Variants in INPP4A observed in about 807,000 individuals in gnomAD.
INPP4A encodes the protein inositol polyphosphate-4-phosphatase type I A.
Under a neutral mutation model 119.8 loss-of-function variants are expected in INPP4A, and 33 were observed. The ratio of observed to expected loss-of-function variants is 0.28; its 90% confidence interval spans 0.21 to 0.37. The LOEUF is 0.37. Among genes scored for constraint, INPP4A ranks in the 10% least tolerant of loss-of-function variants. The pLI is 1.00. For missense variants in INPP4A, 956 were observed against 1,289.9 expected, an observed-to-expected ratio of 0.74 and a Z score of 3.97; for synonymous variants, 496 against 500.7, an observed-to-expected ratio of 0.99 and a Z score of 0.12.
rs924138297 is a variant in INPP4A, at chr2:98,593,884, A to C, written c.*6276A>C. ...GCTAGTCTCAGGTCTGCCTTCCTCT[A>C]TGGTGATTTCTCCCCACAAATGAAG... On this transcript the variant is annotated 3_prime_UTR_variant, in exon 25 of 25. Coordinates refer to ENST00000409851, the MANE Select transcript of INPP4A (RefSeq NM_001134225.2). 1 of 152,176 alleles carries C rather than the reference A, an allele frequency of 6.6e-6. No homozygotes were observed. Among genetic ancestry groups the C allele is most frequent in the Non-Finnish European group, 1.5e-5 (1 of 68,072 alleles). The allele number at this position is 152,176 out of a possible 1,614,324, so 9.4% of individuals were successfully genotyped here.
chr2:98,447,547 A>AT (rs138850052), intron 1 of INPP4A, among the ~76,000 whole-genome samples: 2,668 of 147,884 alleles, frequency 0.018, 75 homozygotes, highest in Admixed American at 0.08. Flanking sequence ...TTATTCTCTA[A>AT]TTTTTTTTTT....
chr2:98,537,901 TTGGC>T lies in INPP4A; in HGVS notation c.511_514del (p.Trp171ArgfsTer12). On this transcript the variant is annotated frameshift_variant, in exon 8 of 25. Coordinates refer to ENST00000409851, the MANE Select transcript of INPP4A (RefSeq NM_001134225.2). LOFTEE classifies it high-confidence loss of function. ...GACCGTGTAGGTAACATCACCGTGA[TTGGC>T]TGGCAGATGGAGGAGAAGTCAGACC... 6.2e-7 allele frequency: 1 copy of T among 1,613,234 alleles called. No homozygotes were observed. Among genetic ancestry groups the T allele is most frequent in the Non-Finnish European group, 8.5e-7 (1 of 1,179,608 alleles).
At chr2:98,454,428 G>A (rs1024896641) in intron 1 of INPP4A, among the ~76,000 whole-genome samples, 3 of 152,172 alleles carry the variant, frequency 2.0e-5, no homozygotes, top group Non-Finnish European at 2.9e-5. Flanking sequence ...TGTAGTGCTG[G>A]ATGTGAACCC....
chr2:98,528,950 C>T (rs1349751594), intron 4 of INPP4A, among the ~76,000 whole-genome samples: 4 of 151,764 alleles, frequency 2.6e-5, no homozygotes, highest in East Asian at 1.9e-4. Context: ...TGGTGGCAGG[C>T]GCCTGTAGTC....
At position 98,548,900 on chromosome 2, in the gene INPP4A, T is replaced by C. The variant is rs147944729; in HGVS notation, c.1163+2206T>C. 1,058 of 1,542,392 alleles carry C rather than the reference T, an allele frequency of 6.9e-4. 10 individuals carry two copies. In the African/African-American group the frequency reaches 0.013, roughly 19 times the overall value. The stretch of plus-strand genomic sequence containing the variant: ...GGCTTTTTAATTTTTTGTTTTTGCA[T>C]TTGGTATTTGCTAACAAACTGCTAA... On this transcript the variant is annotated intron_variant, in intron 13 of 24. Transcript: ENST00000409851.
At chr2:98,464,200 C>A (rs891661346) in intron 1 of INPP4A, among the ~76,000 whole-genome samples, 1 of 152,012 alleles carries the variant, frequency 6.6e-6, no homozygotes, top group Non-Finnish European at 1.5e-5. Context: ...AAGGTTGGGA[C>A]AGCACAGCCC....
intron 4 of INPP4A, among the ~76,000 whole-genome samples, chr2:98,530,287 T>C (rs1375328547): frequency 6.6e-6 from 1 of 151,982 alleles, no homozygotes; most frequent in Non-Finnish European, 1.5e-5. Context: ...GGCTCACTTA[T>C]TCCCTTGAGG....
At chr2:98,446,533 A>G (rs908378727) in intron 1 of INPP4A, among the ~76,000 whole-genome samples, 8 of 152,062 alleles carry the variant, frequency 5.3e-5, no homozygotes, top group Non-Finnish European at 7.4e-5. Context: ...TGTCTAGTAA[A>G]CACGCCTGTG....
intron 24 of INPP4A, chr2:98,581,940 A>G: frequency 9.9e-7 from 1 of 1,007,194 alleles, no homozygotes; most frequent in South Asian, 1.9e-5. Context: ...TATTTCACCA[A>G]GAAGACTTGT....
At chr2:98,467,267 A>G (rs1442472218) in intron 1 of INPP4A, among the ~76,000 whole-genome samples, 2 of 152,198 alleles carry the variant, frequency 1.3e-5, no homozygotes, top group African/African-American at 4.8e-5. Flanking sequence ...ATCTGCCCCC[A>G]TGACCCAAAT....
At chr2:98,510,058 T>C (rs1179923106) in intron 1 of INPP4A, among the ~76,000 whole-genome samples, 1 of 152,158 alleles carries the variant, frequency 6.6e-6, no homozygotes, top group Non-Finnish European at 1.5e-5. Context: ...ATGAAGACAC[T>C]GCTAGGAGGT....
At chr2:98,529,076 CAAA>C (rs200658332) in intron 4 of INPP4A, among the ~76,000 whole-genome samples, 12 of 94,910 alleles carry the variant, frequency 1.3e-4, no homozygotes, top group Admixed American at 2.2e-4. Flanking sequence ...GAGACTGTCT[CAAA>C]AAAAAAAAAA....
chr2:98,573,011 A>T (rs1429845970), intron 23 of INPP4A, 84 bp downstream of exon 23: 1 of 954,894 alleles, frequency 1.0e-6, no homozygotes, highest in African/African-American at 1.6e-5. Flanking sequence ...GTAGAATCTC[A>T]GCAGGAGAGC....
At chr2:98,539,971 C>T (rs1691098044) in intron 10 of INPP4A, among the ~76,000 whole-genome samples, 1 of 152,124 alleles carries the variant, frequency 6.6e-6, no homozygotes. Flanking sequence ...CTTGCTCTGT[C>T]GCTCAGGCTG....
intron 7 of INPP4A, 101 bp from the exon 8 acceptor site, chr2:98,537,762 C>T: frequency 1.2e-6 from 1 of 836,822 alleles, no homozygotes; most frequent in South Asian, 1.5e-5. Flanking sequence ...GGCCCTGCTG[C>T]CCCCAGGACC....
chr2:98,484,576 C>G (rs145567223), intron 1 of INPP4A, among the ~76,000 whole-genome samples: 1 of 152,238 alleles, frequency 6.6e-6, no homozygotes, highest in Non-Finnish European at 1.5e-5. Context: ...ACTAAACAAC[C>G]TAAGGATGGT....
Position 98,564,780 on chromosome 2 carries a change from A to G in INPP4A, c.2152+17A>G. The G allele has an allele frequency of 5.8e-6, 9 of 1,563,612 alleles. No homozygotes were observed. Among genetic ancestry groups the G allele is most frequent in the East Asian group, 2.4e-5 (1 of 42,312 alleles). ...GCACCTACGGTGAGGCGCCCGGGCC[A>G]GGATCGGGAGCCCCACTTGCGTGTG... On this transcript the variant is annotated intron_variant, in intron 19 of 24. Coordinates refer to ENST00000409851, the MANE Select transcript of INPP4A (RefSeq NM_001134225.2).
At chr2:98,469,437 T>C (rs1245803557) in intron 1 of INPP4A, among the ~76,000 whole-genome samples, 1 of 149,362 alleles carries the variant, frequency 6.7e-6, no homozygotes, top group African/African-American at 2.5e-5. Flanking sequence ...GAGGCGGAGG[T>C]TGCAGTGAGC....
At chr2:98,557,691 C>G (rs929363011) in intron 16 of INPP4A, among the ~76,000 whole-genome samples, 1 of 152,246 alleles carries the variant, frequency 6.6e-6, no homozygotes, top group African/African-American at 2.4e-5. Flanking sequence ...GCTGCCCTGC[C>G]TCAGAGCTGC....
Sources: allele counts gnomAD v4.1 joint callset (sites outside exome capture counted in the v4.1 genomes callset), GRCh38; gene constraint gnomAD v4.1.1; transcripts MANE v1.5; gene names NCBI Gene and HGNC (gene_info 2026-07-23, HGNC 2026-07-21).